Variants in TMTC1 observed in about 807,000 individuals in gnomAD.
TMTC1 encodes the protein transmembrane O-mannosyltransferase targeting cadherins 1.
TMTC1 carries 73 observed loss-of-function variants against 104.8 expected under a neutral mutation model. The observed-to-expected ratio is 0.70, with a 90% CI of 0.58 to 0.85. The LOEUF is 0.85. Ranked by LOEUF, TMTC1 falls within the 40% of genes least tolerant of loss-of-function variation. TMTC1 has a pLI of 0.00. For synonymous variants in TMTC1, 434 were observed against 428.7 expected (o/e 1.01, Z -0.15); for missense variants, 1,035 against 1,096.1 (o/e 0.94, Z 0.79).
intron 4 of TMTC1, among the ~76,000 whole-genome samples, chr12:29,753,932 T>C (rs1035966046): frequency 1.3e-5 from 2 of 152,212 alleles, no homozygotes; most frequent in Admixed American, 1.3e-4. Context: ...AGTAGCGCAG[T>C]CTTGGCTCAC....
intron 1 of TMTC1, among the ~76,000 whole-genome samples, chr12:29,774,927 T>C (rs1943673744): frequency 6.6e-6 from 1 of 152,194 alleles, no homozygotes; most frequent in Non-Finnish European, 1.5e-5. Context: ...TGATTTGAGT[T>C]CAAGGCATCA....
At chr12:29,688,986 A>G (rs1363682948) in intron 5 of TMTC1, among the ~76,000 whole-genome samples, 1 of 152,128 alleles carries the variant, frequency 6.6e-6, no homozygotes, top group Admixed American at 6.5e-5. Flanking sequence ...TTCTTAAGGG[A>G]TAGAGAAGAA....
At chr12:29,713,430 T>C (rs1297014010) in intron 5 of TMTC1, among the ~76,000 whole-genome samples, 2 of 151,942 alleles carry the variant, frequency 1.3e-5, no homozygotes, top group South Asian at 2.1e-4. Context: ...ACATTTGTGT[T>C]AGTGGAGAAC....
intron 6 of TMTC1, among the ~76,000 whole-genome samples, chr12:29,629,954 A>G (rs1407473151): frequency 6.6e-6 from 1 of 152,074 alleles, no homozygotes; most frequent in Non-Finnish European, 1.5e-5. Context: ...CCTATTTGCA[A>G]TATTTAATCG....
intron 17 of TMTC1, among the ~76,000 whole-genome samples, chr12:29,509,329 C>T (rs1462339478): frequency 6.6e-6 from 1 of 152,182 alleles, no homozygotes; most frequent in East Asian, 1.9e-4. Flanking sequence ...AGAAGCGTTA[C>T]TTTTTATAAC....
At chr12:29,705,036 C>T (rs1282575407) in intron 5 of TMTC1, among the ~76,000 whole-genome samples, 1 of 152,148 alleles carries the variant, frequency 6.6e-6, no homozygotes, top group Non-Finnish European at 1.5e-5. Flanking sequence ...CCGATAAATA[C>T]CTACAGGTCT....
In TMTC1 at chr12:29,502,658, T is replaced by TTAA. The variant is rs1279572543; in HGVS notation, c.*4187_*4188insTTA. 1.3e-5 allele frequency: 2 copies of TTAA among 152,230 alleles called. No homozygotes were observed. The highest frequency in any genetic ancestry group is 2.4e-5 in the African/African-American group (1 of 41,462). 9.4% of individuals were successfully genotyped at this position (152,230 alleles called of 1,614,324 possible). A position where few individuals can be genotyped will look rare whatever the true frequency, so the allele number is the denominator to read the frequency against. Reference sequence around the variant, plus strand: ...AATGATAGCCTCAACCAACCAATTGTGCCATACATCATTGTTAAGACTTCT... The same window carrying TTAA: ...AATGATAGCCTCAACCAACCAATTGTTAAGCCATACATCATTGTTAAGACTTCT... On this transcript the variant is annotated 3_prime_UTR_variant, in exon 18 of 18. Coordinates refer to ENST00000539277, the MANE Select transcript of TMTC1 (RefSeq NM_001193451.2).
At chr12:29,703,700 T>C (rs1941666033) in intron 5 of TMTC1, among the ~76,000 whole-genome samples, 1 of 152,178 alleles carries the variant, frequency 6.6e-6, no homozygotes, top group African/African-American at 2.4e-5. Flanking sequence ...CCCCTGACTG[T>C]TTTATACTCC....
chr12:29,774,406 A>C (rs1041043025), intron 1 of TMTC1, among the ~76,000 whole-genome samples: 7 of 152,362 alleles, frequency 4.6e-5, no homozygotes, highest in African/African-American at 1.7e-4. Flanking sequence ...ATTTCTCAGC[A>C]GTAACACAAA....
chr12:29,629,275 G>C (rs1010800448), intron 6 of TMTC1, among the ~76,000 whole-genome samples: 1 of 151,624 alleles, frequency 6.6e-6, no homozygotes, highest in South Asian at 2.1e-4. Context: ...TAGTGGAGAT[G>C]CGCCAATGCA....
At position 29,751,966 on chromosome 12, in the gene TMTC1, G is replaced by A. The variant is rs1047393654; in HGVS notation, c.732-94C>T. 2.2e-5 allele frequency: 27 copies of A among 1,225,802 alleles called. 1 individual carries two copies. In the Admixed American group the frequency reaches 5.7e-4, roughly 26 times the overall value. The allele number at this position is 1,225,802 out of a possible 1,614,324, so 75.9% of individuals were successfully genotyped here. ...GTAAACTGCCCCACCCACAAGTCTT[G>A]CTTCCTGGAAACAACCATTCTCAAG... is the stretch of plus-strand genomic sequence containing the variant. On this transcript the variant is annotated intron_variant, in intron 4 of 17. Transcript: ENST00000539277.
At chr12:29,644,044 T>A (rs1424762684) in intron 5 of TMTC1, among the ~76,000 whole-genome samples, 1 of 97,438 alleles carries the variant, frequency 1.0e-5, no homozygotes, top group African/African-American at 4.4e-5. Context: ...AATATATAAT[T>A]TATATATAAA....
chr12:29,564,995 C>A (rs1945470314), intron 9 of TMTC1, among the ~76,000 whole-genome samples: 1 of 152,126 alleles, frequency 6.6e-6, no homozygotes, highest in South Asian at 2.1e-4. Context: ...AGAGGAAAAT[C>A]TGAATTAATC....
chr12:29,651,322 A>G (rs1460856400), intron 5 of TMTC1, among the ~76,000 whole-genome samples: 1 of 152,194 alleles, frequency 6.6e-6, no homozygotes, highest in Non-Finnish European at 1.5e-5. Flanking sequence ...TAGTTTCCAA[A>G]CAGTTGGTGG....
intron 7 of TMTC1, among the ~76,000 whole-genome samples, chr12:29,597,124 G>T (rs959423137): frequency 1.3e-5 from 2 of 152,064 alleles, no homozygotes; most frequent in African/African-American, 2.4e-5. Flanking sequence ...GACATTTCTT[G>T]TGTGGCCCTC....
At chr12:29,514,810 C>G (rs1343613104) in intron 15 of TMTC1, among the ~76,000 whole-genome samples, 2 of 151,966 alleles carry the variant, frequency 1.3e-5, no homozygotes, top group African/African-American at 4.8e-5. Flanking sequence ...CCCAGTAGCT[C>G]GAGATCAGTC....
rs2136799190 is a variant in TMTC1, at chr12:29,701,522, C to G, written c.938+50144G>C. Among the ~76,000 whole-genome samples the G allele has an allele frequency of 2.0e-5, 3 of 152,320 alleles. No individual in the cohort carries two copies. The South Asian group carries it at 6.2e-4, about 32-fold the overall frequency. On this transcript the variant is annotated intron_variant, in intron 5 of 17. Transcript: ENST00000539277. Reference sequence around the variant, plus strand: ...CTCTTCCTAACTTCCCCCTTCCTTCCTACTCTGCTTCATAGTCCTGCATAG... The same window carrying G: ...CTCTTCCTAACTTCCCCCTTCCTTCGTACTCTGCTTCATAGTCCTGCATAG...
At chr12:29,514,338 T>C in intron 16 of TMTC1, 144 bp downstream of exon 16, 1 of 745,874 alleles carries the variant, frequency 1.3e-6, no homozygotes, top group South Asian at 3.2e-5. Context: ...CAAAACTTCG[T>C]CAATTAGTTA....
intron 11 of TMTC1, chr12:29,520,941 G>C: frequency 2.1e-6 from 1 of 476,972 alleles, no homozygotes; most frequent in East Asian, 3.7e-5. Context: ...AGTTCCCTTA[G>C]GGCGAAAAAG....
Sources: gnomAD v4.1 joint callset for allele counts (sites outside exome capture counted in the v4.1 genomes callset) on GRCh38, gnomAD v4.1.1 for gene constraint, MANE v1.5 for transcripts, NCBI Gene and HGNC (gene_info 2026-07-23, HGNC 2026-07-21) for gene names.